The following TSPAN11 variants were observed in gnomAD, a reference collection of about 807,000 sequenced individuals.
TSPAN11 encodes the protein tetraspanin 11.
Under a neutral mutation model 32.9 loss-of-function variants are expected in TSPAN11, and 29 were observed. The observed-to-expected ratio is 0.88, with a 90% confidence interval of 0.66 to 1.20. The LOEUF (loss-of-function observed/expected upper bound fraction) is 1.20. TSPAN11 is among the 50% of genes most tolerant of loss of function. The pLI is 0.00. For synonymous variants in TSPAN11, 140 were observed against 141.3 expected (o/e 0.99, Z 0.07); for missense variants, 283 against 329.1 (o/e 0.86, Z 1.08).
At chr12:30,947,558 A>G (rs1938293759) in intron 1 of TSPAN11, among the ~76,000 whole-genome samples, 1 of 152,202 alleles carries the variant, frequency 6.6e-6, no homozygotes, top group Non-Finnish European at 1.5e-5. Context: ...GTGGTGGCAA[A>G]AGAAAATGAG....
intron 7 of TSPAN11, among the ~76,000 whole-genome samples, chr12:30,989,335 TGACA>T: frequency 6.6e-6 from 1 of 151,996 alleles, no homozygotes; most frequent in Non-Finnish European, 1.5e-5. Flanking sequence ...CGATAGGCAA[TGACA>T]GAGGGGAAAG....
At position 30,975,727 on chromosome 12, in the gene TSPAN11, G is replaced by A. The variant is rs1472619828; in HGVS notation, c.277-2834G>A. Among the ~76,000 whole-genome samples, 1 of 151,670 alleles carries A rather than the reference G, an allele frequency of 6.6e-6. No homozygotes were observed. The highest frequency in any genetic ancestry group is 2.4e-5 in the African/African-American group (1 of 41,250). ...GTGGCGTGACACTGCCAGCTATCCAGGAGTATCCTACGGGCCTGACTCACA... is the reference window on the plus strand; with the variant it reads ...GTGGCGTGACACTGCCAGCTATCCAAGAGTATCCTACGGGCCTGACTCACA... On this transcript the variant is annotated intron_variant, in intron 3 of 7. Coordinates refer to ENST00000546076, the MANE Select transcript of TSPAN11 (RefSeq NM_001370302.1). This position sits in a 1 kb window ranked among gnomAD's most constrained non-coding sequence, Gnocchi z 4.5.
chr12:30,990,173 T>G (rs561102207), intron 7 of TSPAN11, among the ~76,000 whole-genome samples: 1 of 152,282 alleles, frequency 6.6e-6, no homozygotes, highest in East Asian at 1.9e-4. Flanking sequence ...TGTGTGCATG[T>G]GGACGCAGTG....
At chr12:30,939,615 C>CT (rs1938119157) in intron 1 of TSPAN11, among the ~76,000 whole-genome samples, 1 of 152,168 alleles carries the variant, frequency 6.6e-6, no homozygotes, top group Admixed American at 6.5e-5. Flanking sequence ...CTTGTGTTTG[C>CT]CAACACTGAG....
the TSPAN11 span, among the ~76,000 whole-genome samples, chr12:31,003,788 CA>C: frequency 0.037 from 5,672 of 152,178 alleles, 184 homozygotes; most frequent in East Asian, 0.16. Context: ...CGGTTTTGCT[CA>C]AATGTGTGCC....
intron 7 of TSPAN11, 105 bp downstream of exon 7, chr12:30,983,255 CA>C: frequency 9.2e-7 from 1 of 1,086,482 alleles, no homozygotes; most frequent in South Asian, 1.5e-5. Context: ...TGACCCTTTG[CA>C]CACCCGCACC....
At chr12:30,982,508 C>T (rs1227207402) in intron 5 of TSPAN11, 24 bp from the exon 6 acceptor site, 5 of 1,592,496 alleles carry the variant, frequency 3.1e-6, no homozygotes, top group Admixed American at 3.4e-5. Flanking sequence ...CACCTCCAGC[C>T]TCTGCCTCTG....
At chr12:30,977,254 C>T (rs1474155498) in intron 3 of TSPAN11, among the ~76,000 whole-genome samples, 1 of 152,190 alleles carries the variant, frequency 6.6e-6, no homozygotes, top group Non-Finnish European at 1.5e-5. Flanking sequence ...ATTAGCATTG[C>T]CTCTGAAATG....
chr12:30,962,183 T>C (rs1418476688), intron 2 of TSPAN11, among the ~76,000 whole-genome samples: 1 of 150,718 alleles, frequency 6.6e-6, no homozygotes, highest in African/African-American at 2.5e-5. Context: ...ATCTGCGTGA[T>C]AGCCACTCCC....
chr12:30,999,011 T>C (rs1160295655), downstream of TSPAN11: 3 of 152,208 alleles, frequency 2.0e-5, no homozygotes, highest in Non-Finnish European at 2.9e-5. Flanking sequence ...AAATACATCG[T>C]AAGTTTAAAA....
intron 7 of TSPAN11, among the ~76,000 whole-genome samples, chr12:30,988,264 C>T (rs558090497): frequency 5.9e-5 from 9 of 152,308 alleles, no homozygotes; most frequent in South Asian, 2.1e-4. Context: ...CCAGAGCCAC[C>T]GGCCCTGGCT....
At chr12:30,949,062 T>G (rs1028831701) in intron 1 of TSPAN11, among the ~76,000 whole-genome samples, 7 of 152,212 alleles carry the variant, frequency 4.6e-5, no homozygotes, top group African/African-American at 1.7e-4. Flanking sequence ...GAGTCACCTT[T>G]GCTCCAGTTC....
At position 30,993,791 on chromosome 12, in the gene TSPAN11, G is replaced by A. The variant is rs1939364592; in HGVS notation, c.*1876G>A. The A allele has an allele frequency of 6.6e-6, 1 of 152,314 alleles. No homozygotes were observed. The highest frequency in any genetic ancestry group is 1.5e-5 in the Non-Finnish European group (1 of 68,100). 9.4% of individuals were successfully genotyped at this position (152,314 alleles called of 1,614,324 possible). A position where few individuals can be genotyped will look rare whatever the true frequency, so the allele number is the denominator to read the frequency against. ...GGAGAGTGGTGAGAGAGAGAAAGAG[G>A]GTACTGGGCTAGAGCCATGTTCTTC... On this transcript the variant is annotated 3_prime_UTR_variant, in exon 8 of 8. Coordinates refer to ENST00000546076, the MANE Select transcript of TSPAN11 (RefSeq NM_001370302.1).
the TSPAN11 span, among the ~76,000 whole-genome samples, chr12:31,013,584 G>A: frequency 1.7e-5 from 1 of 59,550 alleles, no homozygotes; most frequent in South Asian, 6.6e-4. Flanking sequence ...GTAAGATCCT[G>A]TCTCAAAAAA....
In TSPAN11 at chr12:30,926,848, G is replaced by C. The variant is rs1485233728; in HGVS notation, c.-12+52G>C. 7 of 983,326 alleles carry C rather than the reference G, an allele frequency of 7.1e-6. No individual in the cohort carries two copies. In the African/African-American group the frequency reaches 1.2e-4, roughly 17 times the overall value. The allele number at this position is 983,326 out of a possible 1,614,324, so 60.9% of individuals were successfully genotyped here. ...TGGGGGCGCCGCGGGAGGGGGCTGG[G>C]GGTCCAGGAGAGGCGCCTCCACCTC... On this transcript the variant is annotated intron_variant, in intron 1 of 7. Coordinates refer to ENST00000546076, the MANE Select transcript of TSPAN11 (RefSeq NM_001370302.1).
chr12:30,986,547 T>C (rs1474280796), intron 7 of TSPAN11, among the ~76,000 whole-genome samples: 1 of 152,200 alleles, frequency 6.6e-6, no homozygotes, highest in Non-Finnish European at 1.5e-5. Flanking sequence ...CCAATACAGC[T>C]TGAAAGCTGT....
In TSPAN11 at chr12:30,931,961, G is replaced by T. The variant is rs556524173; in HGVS notation, c.-12+5165G>T. 2.1e-5 allele frequency among the ~76,000 whole-genome samples: 3 copies of T among 144,030 alleles called. No homozygotes were observed. In the South Asian group the frequency reaches 6.9e-4, roughly 33 times the overall value. The allele number at this position is 144,030 out of a possible 152,430, so 94.5% of individuals were successfully genotyped here. A position where few individuals can be genotyped will look rare whatever the true frequency, so the allele number is the denominator to read the frequency against. ...TTATTGACTTTTTATCCCTAGCAACGAGTGCAAAGCTTGGCAAACAGTAGG... is the reference window on the plus strand; with the variant it reads ...TTATTGACTTTTTATCCCTAGCAACTAGTGCAAAGCTTGGCAAACAGTAGG... On this transcript the variant is annotated intron_variant, in intron 1 of 7. Transcript: ENST00000546076.
intron 1 of TSPAN11, among the ~76,000 whole-genome samples, chr12:30,938,949 C>A (rs975639670): frequency 6.6e-6 from 1 of 152,090 alleles, no homozygotes; most frequent in Non-Finnish European, 1.5e-5. Context: ...AAAACAGAAG[C>A]GGGCTGGTTG....
intron 2 of TSPAN11, among the ~76,000 whole-genome samples, chr12:30,958,860 T>C (rs1294442975): frequency 1.3e-5 from 2 of 151,846 alleles, no homozygotes; most frequent in Non-Finnish European, 2.9e-5. Flanking sequence ...GCACAGTGGG[T>C]ATTGGTTGAA....
Sources: allele counts gnomAD v4.1 joint callset (sites outside exome capture counted in the v4.1 genomes callset), GRCh38; gene constraint gnomAD v4.1.1; non-coding constraint Gnocchi (gnomAD v3.1); transcripts MANE v1.5; gene names NCBI Gene and HGNC (gene_info 2026-07-23, HGNC 2026-07-21).